Variants in TNRC6B observed in about 807,000 individuals in gnomAD.
The protein encoded by TNRC6B is trinucleotide repeat containing adaptor 6B.
TNRC6B carries 52 observed loss-of-function variants against 203.6 expected under a neutral mutation model. That is an observed-to-expected ratio of 0.26 (90% confidence interval 0.20 to 0.32). The LOEUF (loss-of-function observed/expected upper bound fraction) is 0.32. Among genes scored for constraint, TNRC6B ranks in the 10% least tolerant of loss-of-function variants. The pLI is 1.00. For synonymous variants in TNRC6B, 838 were observed against 845.7 expected, an observed-to-expected ratio of 0.99 and a Z score of 0.16; for missense variants, 1,923 against 2,286.2, an observed-to-expected ratio of 0.84 and a Z score of 3.24.
At chr22:40,285,866 G>T in intron 12 of TNRC6B, 96 bp downstream of exon 12, 3 of 1,452,612 alleles carry the variant, frequency 2.1e-6, no homozygotes, top group South Asian at 2.7e-5. Flanking sequence ...AAGAATGATA[G>T]TAAGTAGCAT....
At position 40,323,318 on chromosome 22, in the gene TNRC6B, T is replaced by TTTC; in HGVS notation, c.*78_*80dup. On this transcript the variant is annotated 3_prime_UTR_variant, in exon 23 of 23. Transcript: ENST00000454349. ...ACTAACTTGACCTTTTCGTTTTTTTTTTCAACTTGCAATAAATACATTTTT... is the reference window on the plus strand; with the variant it reads ...ACTAACTTGACCTTTTCGTTTTTTTTTTCTTCAACTTGCAATAAATACATTTTT... 1 of 1,480,746 alleles carries TTTC rather than the reference T, an allele frequency of 6.8e-7. No individual in the cohort carries two copies. The highest frequency in any genetic ancestry group is 9.0e-7 in the Non-Finnish European group (1 of 1,116,254). 91.7% of individuals were successfully genotyped at this position (1,480,746 alleles called of 1,614,324 possible).
In TNRC6B at chr22:40,194,270, G is replaced by A. The variant is rs2069309456; in HGVS notation, c.5+16130G>A. ...TAAACCCCGGGCAGAGCATTCCTGT[G>A]TGCTTTACCTGTGCTAACTCATTTC... On this transcript the variant is annotated intron_variant, in intron 1 of 22. Coordinates refer to ENST00000454349, the MANE Select transcript of TNRC6B (RefSeq NM_001162501.2). Among the ~76,000 whole-genome samples, 5 of 152,328 alleles carry A rather than the reference G, an allele frequency of 3.3e-5. No individual in the cohort carries two copies. The South Asian group carries it at 1.0e-3, about 32-fold the overall frequency.
At chr22:40,144,446 C>T (rs1277653891) in intron 3 of TNRC6B, among the ~76,000 whole-genome samples, 4 of 152,178 alleles carry the variant, frequency 2.6e-5, no homozygotes, top group South Asian at 2.1e-4. Context: ...GAGGCCGAGG[C>T]GGGCGGATCA....
rs1209416201 is a variant in TNRC6B at position 40,138,296 on chromosome 22, C to T, written c.45+12434C>T. Among the ~76,000 whole-genome samples, 4 of 152,296 alleles carry T rather than the reference C, an allele frequency of 2.6e-5. No individual in the cohort carries two copies. In the East Asian group the frequency reaches 5.8e-4, roughly 22 times the overall value. On this transcript the variant is annotated intron_variant, in intron 3 of 23. Transcript: ENST00000301923. ...TCGTTATTTTTTTGAGACGGAGTCT[C>T]GCTCTGTTGCTCAGACTATTGTGTA... is the stretch of plus-strand genomic sequence containing the variant.
chr22:40,106,224 T>C, intron 1 of TNRC6B: 1 of 356,232 alleles, frequency 2.8e-6, no homozygotes, highest in South Asian at 3.7e-5. Context: ...CTTTTTCATT[T>C]TCTCGAGGTT....
chr22:40,084,146 G>A (rs1270702031), intron 1 of TNRC6B, among the ~76,000 whole-genome samples: 1 of 152,184 alleles, frequency 6.6e-6, no homozygotes, highest in Non-Finnish European at 1.5e-5. Context: ...GTTCTTGCAA[G>A]TAAGTGATTA....
At chr22:40,235,056 C>T (rs922182613) in intron 1 of TNRC6B, among the ~76,000 whole-genome samples, 1 of 152,144 alleles carries the variant, frequency 6.6e-6, no homozygotes, top group African/African-American at 2.4e-5. Context: ...GTTAATTTTT[C>T]TTACCCCAAA....
chr22:40,125,255 A>C (rs530067757), intron 2 of TNRC6B, among the ~76,000 whole-genome samples: 47 of 152,346 alleles, frequency 3.1e-4, no homozygotes, highest in Admixed American at 2.7e-3. Context: ...CTAAAAATGA[A>C]AAGTGGGGCC....
chr22:40,150,938 C>T (rs749623175), intron 3 of TNRC6B, among the ~76,000 whole-genome samples: 1 of 152,106 alleles, frequency 6.6e-6, no homozygotes, highest in South Asian at 2.1e-4. Context: ...CTCCCTTACC[C>T]CTCCCCTCCT....
intron 1 of TNRC6B, among the ~76,000 whole-genome samples, chr22:40,045,896 C>G (rs1249502698): frequency 3.3e-5 from 5 of 152,228 alleles, no homozygotes; most frequent in African/African-American, 1.2e-4. Context: ...TTCGTGCTTT[C>G]TCATGTGTTT....
intron 1 of TNRC6B, among the ~76,000 whole-genome samples, chr22:40,197,477 C>CG (rs2069355440): frequency 6.6e-6 from 1 of 151,812 alleles, no homozygotes; most frequent in African/African-American, 2.4e-5. Context: ...TTAGTAGAGA[C>CG]GGGGTTTCAC....
intron 1 of TNRC6B, among the ~76,000 whole-genome samples, chr22:40,105,952 T>C (rs1008252202): frequency 5.9e-5 from 9 of 152,218 alleles, no homozygotes; most frequent in Non-Finnish European, 1.2e-4. Flanking sequence ...TATCAGACTT[T>C]GATGTTTTTA....
At chr22:40,149,624 C>A (rs962951695) in intron 3 of TNRC6B, among the ~76,000 whole-genome samples, 2 of 145,694 alleles carry the variant, frequency 1.4e-5, no homozygotes, top group Admixed American at 1.4e-4. Context: ...GAGCCGAGAT[C>A]GCGCCATTGC....
At chr22:40,169,532 A>G (rs188220613) in intron 4 of TNRC6B, among the ~76,000 whole-genome samples, 45 of 152,284 alleles carry the variant, frequency 3.0e-4, no homozygotes, top group Admixed American at 1.2e-3. Context: ...AATCACTTCT[A>G]CCTTCAAAAT....
chr22:40,225,327 C>T (rs896293184), intron 1 of TNRC6B, among the ~76,000 whole-genome samples: 3 of 152,158 alleles, frequency 2.0e-5, no homozygotes, highest in Non-Finnish European at 4.4e-5. Context: ...TGTATGCACT[C>T]ACTAATACAG....
intron 3 of TNRC6B, among the ~76,000 whole-genome samples, chr22:40,145,512 G>A (rs1338366653): frequency 6.6e-6 from 1 of 152,062 alleles, no homozygotes; most frequent in African/African-American, 2.4e-5. Flanking sequence ...TATAAAATGG[G>A]TAGGATTTAG....
intron 1 of TNRC6B, among the ~76,000 whole-genome samples, chr22:40,083,752 A>G (rs1601805857): frequency 6.6e-6 from 1 of 152,162 alleles, no homozygotes; most frequent in Non-Finnish European, 1.5e-5. Context: ...TTCTGTTGAA[A>G]TAGGGGAAAG....
chr22:40,269,354 G>A (rs2070527738), intron 5 of TNRC6B, among the ~76,000 whole-genome samples: 3 of 151,798 alleles, frequency 2.0e-5, no homozygotes, highest in South Asian at 2.1e-4. Flanking sequence ...GGCTAGTCTT[G>A]AACTCCTGAC....
At chr22:40,273,669 T>C in intron 7 of TNRC6B, 69 bp downstream of exon 7, 1 of 1,451,516 alleles carries the variant, frequency 6.9e-7, no homozygotes, top group Non-Finnish European at 9.1e-7. Context: ...TTTTGTTTTG[T>C]TTGTTTTTGT....
Sources: allele counts gnomAD v4.1 joint callset (sites outside exome capture counted in the v4.1 genomes callset), GRCh38; gene constraint gnomAD v4.1.1; transcripts MANE v1.5; gene names NCBI Gene and HGNC (gene_info 2026-07-23, HGNC 2026-07-21).